ADCY7: variants seen among roughly 807,000 people sequenced by gnomAD.
ADCY7 encodes adenylate cyclase type 7.
Under a neutral mutation model 120.6 loss-of-function variants are expected in ADCY7, and 72 were observed. That is an observed-to-expected ratio of 0.60 (90% CI 0.49 to 0.73). The LOEUF (loss-of-function observed/expected upper bound fraction) is 0.73. Ranked by LOEUF, ADCY7 falls within the 30% of genes least tolerant of loss-of-function variation. ADCY7 has a pLI of 0.00. For synonymous variants in ADCY7, 661 were observed against 628.0 expected, an observed-to-expected ratio of 1.05 and a Z score of -0.78; for missense variants, 1,227 against 1,486.0, an observed-to-expected ratio of 0.83 and a Z score of 2.87.
At chr16:50,249,765 G>A (rs1274795371) in intron 1 of ADCY7, among the ~76,000 whole-genome samples, 1 of 152,236 alleles carries the variant, frequency 6.6e-6, no homozygotes, top group Non-Finnish European at 1.5e-5. Context: ...GCTGGGGGAG[G>A]TGGTGGGCAT....
intron 1 of ADCY7, among the ~76,000 whole-genome samples, chr16:50,273,348 G>C (rs1396358918): frequency 1.3e-5 from 2 of 152,190 alleles, no homozygotes; most frequent in Admixed American, 1.3e-4. Flanking sequence ...CAACCACCAT[G>C]CTTTCCTGCC....
At chr16:50,262,040 GGCA>G (rs1465180033), upstream of ADCY7, among the ~76,000 whole-genome samples, 2 of 152,178 alleles carry the variant, frequency 1.3e-5, no homozygotes, top group Non-Finnish European at 2.9e-5. Context: ...AGGTTTGTGT[GGCA>G]GGGCCAAGCT....
rs1225245234 is a variant in ADCY7, at chr16:50,302,588, T to G, written c.1368+1374T>G. ...CCCCACCCTACCCCACCCTCTTTTT[T>G]GTTTAACTTCATTTATCCACGCAGT... is the stretch of plus-strand genomic sequence containing the variant. On this transcript the variant is annotated intron_variant, in intron 10 of 25. Transcript: ENST00000673801. Among the ~76,000 whole-genome samples, 3 of 151,480 alleles carry G rather than the reference T, an allele frequency of 2.0e-5. No individual in the cohort carries two copies. The East Asian group carries it at 5.8e-4, about 30-fold the overall frequency.
Position 50,312,934 on chromosome 16 carries a change from C to T in ADCY7, c.2649C>T (p.Ala883=), listed in dbSNP as rs770077000. The change falls in exon 22 of 26, where the codon GCC becomes GCT. Residue 883 remains alanine, a synonymous_variant. Coordinates refer to ENST00000673801, the MANE Select transcript of ADCY7 (RefSeq NM_001114.5). The part of the protein sequence containing the change: ...QSYDCVCVMF[A]SVPDFKVFYT... ...ATGACTGCGTCTGTGTCATGTTTGCCTCCGTGCCGGACTTCAAAGTGTTCT... is the reference window on the plus strand; with the variant it reads ...ATGACTGCGTCTGTGTCATGTTTGCTTCCGTGCCGGACTTCAAAGTGTTCT... 1.2e-6 allele frequency: 2 copies of T among 1,614,162 alleles called. No individual in the cohort carries two copies. Among genetic ancestry groups the T allele is most frequent in the East Asian group, 4.5e-5 (2 of 44,876 alleles).
At chr16:50,313,654 T>G (rs1184759461) in intron 22 of ADCY7, 3 of 329,388 alleles carry the variant, frequency 9.1e-6, no homozygotes, top group African/African-American at 4.2e-5. Flanking sequence ...TTGGGTTGAA[T>G]TCTTTGCTGG....
At chr16:50,261,036 A>G (rs1454974428) in intron 1 of ADCY7, among the ~76,000 whole-genome samples, 1 of 152,202 alleles carries the variant, frequency 6.6e-6, no homozygotes, top group Non-Finnish European at 1.5e-5. Flanking sequence ...CTCGTAGCTC[A>G]CACCTACTGC....
At chr16:50,248,546 C>T (rs572771308) in intron 1 of ADCY7, among the ~76,000 whole-genome samples, 3 of 152,276 alleles carry the variant, frequency 2.0e-5, no homozygotes, top group Admixed American at 1.3e-4. Flanking sequence ...AGGCAGGGGC[C>T]GTTACTTTTT....
intron 10 of ADCY7, 146 bp from the exon 11 acceptor site, chr16:50,304,214 G>A: frequency 1.2e-6 from 1 of 839,662 alleles, no homozygotes; most frequent in Non-Finnish European, 1.7e-6. Flanking sequence ...CAAGGGGACT[G>A]CGGGTTGAGC....
chr16:50,258,319 A>T (rs1378857885), intron 1 of ADCY7, among the ~76,000 whole-genome samples: 1 of 152,058 alleles, frequency 6.6e-6, no homozygotes, highest in Non-Finnish European at 1.5e-5. Flanking sequence ...CATCTGTAGG[A>T]CTGGTACTCA....
chr16:50,313,681 T>A (rs2036613819), intron 22 of ADCY7: 3 of 395,910 alleles, frequency 7.6e-6, no homozygotes, highest in Non-Finnish European at 1.4e-5. Flanking sequence ...AGAATCTACA[T>A]TCCTGTGTAG....
chr16:50,286,648 G>C (rs2034601994), intron 1 of ADCY7, among the ~76,000 whole-genome samples: 1 of 151,994 alleles, frequency 6.6e-6, no homozygotes, highest in Non-Finnish European at 1.5e-5. Flanking sequence ...GAGACTCACT[G>C]GAAAATGAAG....
chr16:50,247,497 T>C (rs2032626787), intron 1 of ADCY7, among the ~76,000 whole-genome samples: 1 of 150,092 alleles, frequency 6.7e-6, no homozygotes, highest in Non-Finnish European at 1.5e-5. Flanking sequence ...GAGTAGCAGC[T>C]GGGATTACAG....
At chr16:50,299,391 A>T (rs1166021791) in intron 8 of ADCY7, among the ~76,000 whole-genome samples, 1 of 152,212 alleles carries the variant, frequency 6.6e-6, no homozygotes, top group African/African-American at 2.4e-5. Flanking sequence ...GTCGACTCCA[A>T]GGCTCCATCT....
chr16:50,270,722 C>A (rs562247225), intron 1 of ADCY7, among the ~76,000 whole-genome samples: 79 of 152,216 alleles, frequency 5.2e-4, no homozygotes, highest in Non-Finnish European at 9.0e-4. Context: ...TCGGACTAAT[C>A]ATTTTCTTTC....
chr16:50,290,106 G>C (rs916348939), intron 2 of ADCY7, among the ~76,000 whole-genome samples: 3 of 152,230 alleles, frequency 2.0e-5, no homozygotes, highest in African/African-American at 7.2e-5. Context: ...GCTTTACAAG[G>C]CTCTGCCTGT....
At chr16:50,286,084 A>G (rs3892156) in intron 1 of ADCY7, among the ~76,000 whole-genome samples, 99,475 of 151,672 alleles carry the variant, frequency 0.66, 33,456 homozygotes, top group Middle Eastern at 0.76. Flanking sequence ...TGAAATTTGT[A>G]TCAGTGGGCT....
rs1034785592 is a variant in ADCY7 at position 50,291,917 on chromosome 16, C to T, written c.537+20C>T. ...CTGCAGGTGAGGGATGGGCTAAGGC[C>T]TCTGGGGGAGGTTTTGTGGTCTGGG... On this transcript the variant is annotated intron_variant, in intron 4 of 25. Transcript: ENST00000673801. The T allele has an allele frequency of 1.3e-6, 2 of 1,587,772 alleles. No homozygotes were observed. Among genetic ancestry groups the T allele is most frequent in the Non-Finnish European group, 1.7e-6 (2 of 1,166,192 alleles).
intron 21 of ADCY7, among the ~76,000 whole-genome samples, 183 bp downstream of exon 21, chr16:50,312,374 C>T (rs1205587746): frequency 6.6e-6 from 1 of 152,154 alleles, no homozygotes; most frequent in Non-Finnish European, 1.5e-5. Flanking sequence ...GGTCAGGGAC[C>T]TGGGCTCAAG....
chr16:50,308,282 G>C (rs773039135), intron 15 of ADCY7, 45 bp from the exon 16 acceptor site: 2 of 1,614,046 alleles, frequency 1.2e-6, no homozygotes, highest in Non-Finnish European at 1.7e-6. Flanking sequence ...GGTGGTCCTG[G>C]GCAGAAGGCC....
Sources: allele counts gnomAD v4.1 joint callset (sites outside exome capture counted in the v4.1 genomes callset), GRCh38; gene constraint gnomAD v4.1.1; transcripts MANE v1.5; gene names NCBI Gene and HGNC (gene_info 2026-07-23, HGNC 2026-07-21).